The following RAB11FIP3 variants were observed in gnomAD, a reference collection of about 807,000 sequenced individuals.
The protein encoded by RAB11FIP3 is rab11 family-interacting protein 3.
A neutral mutation model predicts 77.8 loss-of-function variants in RAB11FIP3; 17 were observed. That is an observed-to-expected ratio of 0.22 (90% CI 0.15 to 0.33). The LOEUF (loss-of-function observed/expected upper bound fraction) is 0.33, where lower values mean the gene tolerates loss of function less well. Ranked by LOEUF, RAB11FIP3 falls within the 10% of genes least tolerant of loss-of-function variation. RAB11FIP3 has a pLI of 1.00. For synonymous variants in RAB11FIP3, 437 were observed against 448.2 expected, an observed-to-expected ratio of 0.98 and a Z score of 0.31; for missense variants, 1,005 against 1,011.2, an observed-to-expected ratio of 0.99 and a Z score of 0.08.
intron 1 of RAB11FIP3, among the ~76,000 whole-genome samples, chr16:432,764 C>CCGG (rs1432733079): frequency 1.3e-5 from 2 of 151,306 alleles, no homozygotes; most frequent in African/African-American, 4.9e-5. Context: ...TGCCACCACT[C>CCGG]CGGCTAAATT....
chr16:494,528 C>T (rs940799914), intron 5 of RAB11FIP3, among the ~76,000 whole-genome samples: 3 of 151,602 alleles, frequency 2.0e-5, no homozygotes, highest in Admixed American at 6.6e-5. Flanking sequence ...AGGCTGAGGC[C>T]GGAGAATGGC....
At chr16:490,575 G>A (rs141893165) in intron 5 of RAB11FIP3, among the ~76,000 whole-genome samples, 3 of 152,116 alleles carry the variant, frequency 2.0e-5, no homozygotes, top group Non-Finnish European at 4.4e-5. Flanking sequence ...GAGCTCAAGC[G>A]ATCCACCCAA....
chr16:427,253 T>C lies in RAB11FIP3; in HGVS notation c.714+533T>C, dbSNP rs547971920. Among the ~76,000 whole-genome samples the C allele has an allele frequency of 9.8e-5, 15 of 152,378 alleles. 1 individual carries two copies. The highest frequency in any genetic ancestry group is 3.4e-4 in the African/African-American group (14 of 41,600). On this transcript the variant is annotated intron_variant, in intron 1 of 13. Coordinates refer to ENST00000262305, the MANE Select transcript of RAB11FIP3 (RefSeq NM_014700.4). ...ACATCTTTTCTACTTAGATTTCATCTTTTATTTGGGAGACAGTCAATGCTT... is the reference window on the plus strand; with the variant it reads ...ACATCTTTTCTACTTAGATTTCATCCTTTATTTGGGAGACAGTCAATGCTT...
At chr16:498,864 G>A (rs570968703) in intron 6 of RAB11FIP3, among the ~76,000 whole-genome samples, 1 of 152,248 alleles carries the variant, frequency 6.6e-6, no homozygotes, top group East Asian at 1.9e-4. Context: ...AAGCAGAGGT[G>A]AACGTCATCA....
At chr16:429,327 A>T (rs1053063809) in intron 1 of RAB11FIP3, among the ~76,000 whole-genome samples, 1 of 152,070 alleles carries the variant, frequency 6.6e-6, no homozygotes, top group Non-Finnish European at 1.5e-5. Context: ...TTTTAAAGAC[A>T]TTAATGATTT....
chr16:482,291 A>G, intron 3 of RAB11FIP3: 1 of 675,532 alleles, frequency 1.5e-6, no homozygotes, highest in East Asian at 2.8e-5. Flanking sequence ...CCTGGGTTCA[A>G]GCGATCCACC....
intron 3 of RAB11FIP3, among the ~76,000 whole-genome samples, chr16:474,602 C>T (rs2055867045): frequency 6.6e-6 from 1 of 152,114 alleles, no homozygotes; most frequent in Non-Finnish European, 1.5e-5. Flanking sequence ...GCGCATCTCA[C>T]AGAATCGTCG....
chr16:454,126 G>A (rs530563959), intron 1 of RAB11FIP3, among the ~76,000 whole-genome samples: 4 of 152,240 alleles, frequency 2.6e-5, no homozygotes, highest in East Asian at 1.9e-4. Context: ...TCCAGTAGGC[G>A]GGTCTTTGTT....
chr16:462,613 GATCCCTTCCCCAGCACC>G (rs1262324648), intron 2 of RAB11FIP3, among the ~76,000 whole-genome samples: 2,909 of 141,792 alleles, frequency 0.021, 65 homozygotes, highest in African/African-American at 0.064. Flanking sequence ...TCCCCAGCAC[GATCCCTTCCCCAGCACC>G]ATCCCTTCCC....
At chr16:451,121 G>A (rs2055401022) in intron 1 of RAB11FIP3, among the ~76,000 whole-genome samples, 1 of 152,094 alleles carries the variant, frequency 6.6e-6, no homozygotes, top group South Asian at 2.1e-4. Context: ...TTAAAATAAT[G>A]TGGAGGCAGC....
intron 5 of RAB11FIP3, among the ~76,000 whole-genome samples, chr16:491,427 C>T (rs1471108858): frequency 2.6e-5 from 4 of 152,072 alleles, no homozygotes; most frequent in African/African-American, 4.8e-5. Context: ...GCTGTGGGGC[C>T]ACCAGGGCCC....
intron 10 of RAB11FIP3, among the ~76,000 whole-genome samples, chr16:519,492 G>T (rs941087193): frequency 6.6e-6 from 1 of 152,258 alleles, no homozygotes; most frequent in Non-Finnish European, 1.5e-5. Flanking sequence ...ACTGAGTCAG[G>T]TCCTGTCCAC....
At chr16:474,436 T>C (rs1213581968) in intron 3 of RAB11FIP3, among the ~76,000 whole-genome samples, 1 of 152,006 alleles carries the variant, frequency 6.6e-6, no homozygotes, top group Non-Finnish European at 1.5e-5. Context: ...TGCTATGGTG[T>C]CTGAGTAAGT....
chr16:440,578 T>C (rs953107489), intron 1 of RAB11FIP3, among the ~76,000 whole-genome samples: 2 of 152,260 alleles, frequency 1.3e-5, no homozygotes, highest in African/African-American at 2.4e-5. Flanking sequence ...AGGGATTTTC[T>C]CTTTGCTGAA....
intron 3 of RAB11FIP3, among the ~76,000 whole-genome samples, chr16:476,304 T>C (rs2055906717): frequency 6.6e-6 from 1 of 152,170 alleles, no homozygotes; most frequent in South Asian, 2.1e-4. Context: ...TGGAGAATTC[T>C]TTCCATCCCA....
chr16:488,886 T>C lies in RAB11FIP3; in HGVS notation c.1151T>C (p.Ile384Thr), dbSNP rs763319081. 6.2e-7 allele frequency: 1 copy of C among 1,613,970 alleles called. No individual in the cohort carries two copies. Among genetic ancestry groups the C allele is most frequent in the African/African-American group, 1.3e-5 (1 of 74,984 alleles). ...CATGGCCAGTCTGTCATCACGGTGATCGGGGGCGAGGAGCACTTTGAGGAC... is the reference window on the plus strand; with the variant it reads ...CATGGCCAGTCTGTCATCACGGTGACCGGGGGCGAGGAGCACTTTGAGGAC... Reference protein sequence around the residue: ...HPHGQSVITVIGGEEHFEDYG... With the variant: ...HPHGQSVITVTGGEEHFEDYG... Residue 384 changes from isoleucine to threonine, a missense_variant, in exon 5 of 14, where the codon ATC (isoleucine) becomes ACC (threonine). Ile to Thr is a moderately conservative substitution (Grantham distance 89, BLOSUM62 -1). Transcript: ENST00000262305.
At chr16:429,489 A>G (rs1478693989) in intron 1 of RAB11FIP3, among the ~76,000 whole-genome samples, 1 of 151,446 alleles carries the variant, frequency 6.6e-6, no homozygotes, top group Non-Finnish European at 1.5e-5. Context: ...TAACAACTAG[A>G]TTATCTTAAT....
Position 457,816 on chromosome 16 carries a change from C to G in RAB11FIP3, c.715-3588C>G, listed in dbSNP as rs115146516. ...CAGTGTGGAAATTCTTAGGAATCTT[C>G]AGGACAGATTGGCCAGTCTGGACTC... is the stretch of plus-strand genomic sequence containing the variant. On this transcript the variant is annotated intron_variant, in intron 1 of 13. Coordinates refer to ENST00000262305, the MANE Select transcript of RAB11FIP3 (RefSeq NM_014700.4). Among the ~76,000 whole-genome samples, 931 of 152,288 alleles carry G rather than the reference C, an allele frequency of 6.1e-3. 10 individuals are homozygous for G. Among genetic ancestry groups the G allele is most frequent in the African/African-American group, 0.021 (882 of 41,560 alleles).
At chr16:492,424 TC>T (rs1438148090) in intron 5 of RAB11FIP3, among the ~76,000 whole-genome samples, 3,117 of 51,838 alleles carry the variant, frequency 0.06, 104 homozygotes, top group African/African-American at 0.14. Flanking sequence ...CCCAGGGCCC[TC>T]CCCGGGAGAC....
Sources: gnomAD v4.1 joint callset for allele counts (sites outside exome capture counted in the v4.1 genomes callset) on GRCh38, gnomAD v4.1.1 for gene constraint, MANE v1.5 for transcripts, NCBI Gene and HGNC (gene_info 2026-07-23, HGNC 2026-07-21) for gene names.